SF3B2: variants seen among roughly 807,000 people sequenced by gnomAD.
SF3B2 encodes splicing factor 3b subunit 2, also known as SAP 145.
Under a neutral mutation model 116.3 loss-of-function variants are expected in SF3B2, and 22 were observed. The observed-to-expected ratio is 0.19, with a 90% confidence interval of 0.14 to 0.27. The LOEUF (loss-of-function observed/expected upper bound fraction) is 0.27, where lower values mean the gene tolerates loss of function less well. SF3B2 is among the 10% of genes least tolerant of loss of function. The pLI is 1.00. For missense variants in SF3B2, 767 were observed against 1,151.4 expected (o/e 0.67, Z 4.83); for synonymous variants, 406 against 421.6 (o/e 0.96, Z 0.45).
chr11:66,057,678 G>C lies in SF3B2; in HGVS notation c.777+303G>C, dbSNP rs187129457. Among the ~76,000 whole-genome samples, 10 of 152,092 alleles carry C rather than the reference G, an allele frequency of 6.6e-5. 1 individual carries two copies. Among genetic ancestry groups the C allele is most frequent in the Admixed American group, 6.5e-4 (10 of 15,268 alleles). ...CTAGTCCAAGAGGTGGAAGTTGGTG[G>C]AAAAAGGGCACTGTGGGCTGGGTGC... On this transcript the variant is annotated intron_variant, in intron 7 of 21. Transcript: ENST00000322535.
intron 17 of SF3B2, 52 bp from the exon 18 acceptor site, chr11:66,063,348 C>T: frequency 6.5e-7 from 1 of 1,549,482 alleles, no homozygotes; most frequent in Non-Finnish European, 8.8e-7. Context: ...CAGCCTGGCA[C>T]ATAATAGGTA....
chr11:66,053,401 G>T (rs985451985), intron 3 of SF3B2: 1 of 428,796 alleles, frequency 2.3e-6, no homozygotes, highest in East Asian at 4.5e-5. Flanking sequence ...GCTTGTGGCC[G>T]GGTGCAGTGG....
Position 66,058,981 on chromosome 11 carries a change from C to T in SF3B2, c.1118C>T (p.Thr373Ile). The change falls in exon 10 of 22, where the codon ACT (threonine) becomes ATT (isoleucine). Residue 373 changes from threonine (T) to isoleucine (I), a missense_variant. Thr to Ile is a moderately conservative substitution (Grantham distance 89, BLOSUM62 -1). Transcript: ENST00000322535. ...GCTGATGTTGAGATTGAGTATGTGA[C>T]TGAAGAACCTGAAATTTACGAGCCC... Reference protein sequence around the residue: ...PAADVEIEYVTEEPEIYEPNF... With the variant: ...PAADVEIEYVIEEPEIYEPNF... The T allele has an allele frequency of 6.2e-7, 1 of 1,614,150 alleles. No individual in the cohort carries two copies. Among genetic ancestry groups the T allele is most frequent in the Non-Finnish European group, 8.5e-7 (1 of 1,180,038 alleles).
Position 66,052,368 on chromosome 11 carries a change from G to A in SF3B2, c.-17G>A, listed in dbSNP as rs779936137. The A allele has an allele frequency of 2.5e-6, 4 of 1,605,340 alleles. No individual in the cohort carries two copies. The African/African-American group carries it at 4.0e-5, about 16-fold the overall frequency. On this transcript the variant is annotated 5_prime_UTR_variant, in exon 1 of 22. Transcript: ENST00000322535. ...GCCCCAGCTTCCGGGTTGGTCGCGC[G>A]CCTTCCTGCGGCTAAGATGGCGACG...
intron 3 of SF3B2, 61 bp downstream of exon 3, chr11:66,053,165 A>C (rs1277452568): frequency 6.8e-7 from 1 of 1,481,154 alleles, no homozygotes; most frequent in Non-Finnish European, 9.4e-7. Flanking sequence ...GTTCATGAGC[A>C]TGATGATTGG....
intron 19 of SF3B2, chr11:66,066,403 C>G (rs1329373897): frequency 6.6e-6 from 1 of 152,194 alleles, no homozygotes; most frequent in East Asian, 1.9e-4. Context: ...CTCAGCTTCC[C>G]AAAGTGCTGG....
In SF3B2 at chr11:66,068,916, A is replaced by G; in HGVS notation, c.*171A>G. ...AAGAGATGAATATTTAACACTCCTG[A>G]GCCTCCCTCATCTCCTTTTAGCCCC... On this transcript the variant is annotated 3_prime_UTR_variant, in exon 22 of 22. Coordinates refer to ENST00000322535, the MANE Select transcript of SF3B2 (RefSeq NM_006842.3). The G allele has an allele frequency of 1.7e-6, 1 of 599,486 alleles. No homozygotes were observed. Among genetic ancestry groups the G allele is most frequent in the South Asian group, 2.0e-5 (1 of 48,872 alleles). 37.1% of individuals were successfully genotyped at this position (599,486 alleles called of 1,614,324 possible).
chr11:66,060,325 G>C (rs567102029), intron 13 of SF3B2, among the ~76,000 whole-genome samples: 1 of 152,326 alleles, frequency 6.6e-6, no homozygotes, highest in South Asian at 2.1e-4. Flanking sequence ...GCTTTCCAGA[G>C]AACTGTTGAG....
chr11:66,067,803 G>A (rs2134478837), intron 19 of SF3B2, 143 bp from the exon 20 acceptor site: 2 of 672,260 alleles, frequency 3.0e-6, no homozygotes, highest in South Asian at 3.5e-5. Flanking sequence ...TCTGTCATGG[G>A]CAGAACTGCA....
intron 19 of SF3B2, chr11:66,067,548 G>T (rs972021974): frequency 1.5e-5 from 7 of 458,112 alleles, no homozygotes; most frequent in Non-Finnish European, 3.1e-5. Flanking sequence ...GCCTGGAAGT[G>T]TGAATTACAT....
rs1053640375 is a variant in SF3B2 at position 66,052,706 on chromosome 11, G to A, written c.167G>A (p.Ser56Asn). 4.4e-6 allele frequency: 7 copies of A among 1,579,202 alleles called. No individual in the cohort carries two copies. The highest frequency in any genetic ancestry group is 4.3e-6 in the Non-Finnish European group (5 of 1,165,658). The change falls in exon 2 of 22, where the codon AGC becomes AAC. Residue 56 changes from serine (S) to asparagine (N), a missense_variant. Ser to Asn is a conservative substitution (Grantham distance 46, BLOSUM62 1). This residue lies in a region of SF3B2 where 455 missense variants were observed against 537.5 expected (regional missense o/e 0.85). Transcript: ENST00000322535. ...NREELVERLQSYTRQTGIVLN... is the reference protein window; with the variant it reads ...NREELVERLQNYTRQTGIVLN... ...GAGGAGCTGGTGGAGCGGCTGCAGA[G>A]CTACACCCGCCAGGTAGGTGTTGGC...
chr11:66,052,909 C>T (rs1204052318), intron 2 of SF3B2, 118 bp from the exon 3 acceptor site: 1 of 1,271,194 alleles, frequency 7.9e-7, no homozygotes, highest in Non-Finnish European at 1.1e-6. Flanking sequence ...CTCTTCAGTG[C>T]CCAGCCAGAG....
At chr11:66,055,779 T>C (rs954422753) in intron 5 of SF3B2, 194 bp downstream of exon 5, 13 of 569,030 alleles carry the variant, frequency 2.3e-5, no homozygotes, top group Non-Finnish European at 3.4e-5. Flanking sequence ...TGCATGTGTA[T>C]GGCCTATGAG....
chr11:66,058,001 A>C (rs1183514638), intron 7 of SF3B2, 53 bp from the exon 8 acceptor site: 2 of 1,354,540 alleles, frequency 1.5e-6, no homozygotes, highest in Non-Finnish European at 2.0e-6. Flanking sequence ...GAAAGAAAAA[A>C]AAAAGAAAAA....
intron 3 of SF3B2, 70 bp downstream of exon 3, chr11:66,053,174 G>T: frequency 7.1e-7 from 1 of 1,411,502 alleles, no homozygotes; most frequent in South Asian, 1.1e-5. Flanking sequence ...CATGATGATT[G>T]GGTGTTCACG....
rs1484639764 is a variant in SF3B2 at position 66,068,709 on chromosome 11, T to TG, written c.2657dup (p.Ser887GlnfsTer5). On this transcript the variant is annotated frameshift_variant, in exon 22 of 22. Transcript: ENST00000322535. LOFTEE classifies it high-confidence loss of function. ...GGAAAGCTCAGCCCCAGGACAGCCG[T>TG]GGGGGCAGCAAGAAATATAAGGAGT... 6.2e-7 allele frequency: 1 copy of TG among 1,613,896 alleles called. No individual in the cohort carries two copies. Among genetic ancestry groups the TG allele is most frequent in the Non-Finnish European group, 8.5e-7 (1 of 1,179,982 alleles).
chr11:66,067,363 G>A (rs772303011), intron 19 of SF3B2: 28 of 455,976 alleles, frequency 6.1e-5, no homozygotes, highest in Middle Eastern at 3.3e-4. Context: ...CCCGACATCC[G>A]TTTTAAGGTA....
intron 17 of SF3B2, 78 bp downstream of exon 17, chr11:66,063,194 AG>A: frequency 2.5e-6 from 3 of 1,198,396 alleles, no homozygotes; most frequent in South Asian, 1.4e-5. Flanking sequence ...CTTCATTATC[AG>A]GGAGTTGTGT....
rs1857106705 is a variant in SF3B2, at chr11:66,061,943, C to A, written c.1922C>A (p.Pro641Gln). The change falls in exon 16 of 22, where the codon CCA (proline) becomes CAA (glutamine). Residue 641 changes from proline to glutamine, a missense_variant. By Grantham distance (76) the Pro-to-Gln change is moderately conservative. This residue lies in a region of SF3B2 where 282 missense variants were observed against 568.0 expected (regional missense o/e 0.50). Transcript: ENST00000322535. ...CTGATTGCCATGCAGCGATATGGAC[C>A]ACCCCCATCGTATCCCAACCTGAAA... Reference protein sequence around the residue: ...PWLIAMQRYGPPPSYPNLKIP... With the variant: ...PWLIAMQRYGQPPSYPNLKIP... 6.2e-7 allele frequency: 1 copy of A among 1,613,796 alleles called. No individual in the cohort carries two copies.
Sources: gnomAD v4.1 joint callset for allele counts (sites outside exome capture counted in the v4.1 genomes callset) on GRCh38, gnomAD v4.1.1 for gene constraint, gnomAD v4.1.1 regional missense constraint, MANE v1.5 for transcripts, NCBI Gene and HGNC (gene_info 2026-07-23, HGNC 2026-07-21) for gene names.